The following COX7B2 variants were observed in gnomAD, a reference collection of about 807,000 sequenced individuals.
The protein encoded by COX7B2 is cytochrome c oxidase subunit 7B2, mitochondrial.
For synonymous variants in COX7B2, 37 were observed against 32.1 expected, an observed-to-expected ratio of 1.15 and a Z score of -0.51; for missense variants, 109 against 95.9, an observed-to-expected ratio of 1.14 and a Z score of -0.57.
chr4:46,809,073 C>T (rs1010032160), intron 2 of COX7B2, among the ~76,000 whole-genome samples: 2 of 151,706 alleles, frequency 1.3e-5, no homozygotes, highest in African/African-American at 4.8e-5. Flanking sequence ...GGAATTTTTT[C>T]ATTTCACCTA....
rs79931941 is a variant in COX7B2, at chr4:46,867,765, G to T, written c.-104-22751C>A. On this transcript the variant is annotated intron_variant, in intron 1 of 2. Coordinates refer to ENST00000355591, the MANE Select transcript of COX7B2 (RefSeq NM_130902.3). ...ATTTTAGCTTTTCGATAGGCTGCTG[G>T]ATTTGGTATGCTAATTTTTTTTGGT... 3.0e-3 allele frequency among the ~76,000 whole-genome samples: 452 copies of T among 152,270 alleles called. 3 individuals are homozygous for T. In the East Asian group the frequency reaches 0.03, roughly 10 times the overall value.
At chr4:46,885,075 CT>C (rs1260076030) in intron 1 of COX7B2, among the ~76,000 whole-genome samples, 2 of 151,850 alleles carry the variant, frequency 1.3e-5, no homozygotes, top group African/African-American at 4.8e-5. Flanking sequence ...CATAATTTTC[CT>C]TTATTTGCTA....
At chr4:46,740,771 A>C (rs904280642) in intron 2 of COX7B2, among the ~76,000 whole-genome samples, 6 of 152,276 alleles carry the variant, frequency 3.9e-5, no homozygotes, top group South Asian at 2.1e-4. Flanking sequence ...AATATAAATA[A>C]AATAAAAATC....
intron 2 of COX7B2, among the ~76,000 whole-genome samples, chr4:46,805,469 G>T (rs1239611462): frequency 6.6e-6 from 1 of 152,192 alleles, no homozygotes; most frequent in Non-Finnish European, 1.5e-5. Context: ...CCATTATCTT[G>T]TTTTATCTGT....
intron 1 of COX7B2, among the ~76,000 whole-genome samples, chr4:46,904,331 A>G (rs1261314491): frequency 6.6e-6 from 1 of 152,202 alleles, no homozygotes; most frequent in African/African-American, 2.4e-5. Context: ...TCATATAAAA[A>G]GAGCAGCTAG....
At chr4:46,816,646 A>T (rs1312443316) in intron 2 of COX7B2, among the ~76,000 whole-genome samples, 7 of 151,868 alleles carry the variant, frequency 4.6e-5, no homozygotes, top group African/African-American at 1.2e-4. Context: ...ATTTAATGTC[A>T]TTTTTTTTGC....
chr4:46,798,419 A>T (rs1718473646), intron 2 of COX7B2, among the ~76,000 whole-genome samples: 1 of 152,224 alleles, frequency 6.6e-6, no homozygotes, highest in African/African-American at 2.4e-5. Flanking sequence ...CAACAGGTTC[A>T]GGTGGCTGTG....
intron 1 of COX7B2, among the ~76,000 whole-genome samples, chr4:46,898,229 A>G (rs1719879672): frequency 6.6e-6 from 1 of 152,132 alleles, no homozygotes; most frequent in African/African-American, 2.4e-5. Context: ...TTTTCTCCAA[A>G]TCCTCAAGCT....
chr4:46,865,090 T>C (rs1717584630), intron 1 of COX7B2, among the ~76,000 whole-genome samples: 1 of 152,192 alleles, frequency 6.6e-6, no homozygotes, highest in Non-Finnish European at 1.5e-5. Context: ...TGTAGTTTTT[T>C]AATCTCTAGC....
chr4:46,785,097 T>C (rs1425385824), intron 2 of COX7B2, among the ~76,000 whole-genome samples: 1 of 152,224 alleles, frequency 6.6e-6, no homozygotes, highest in African/African-American at 2.4e-5. Context: ...TTTAAAAATA[T>C]ATTTAAATAG....
intron 2 of COX7B2, among the ~76,000 whole-genome samples, chr4:46,757,629 G>A (rs1201607019): frequency 6.6e-6 from 1 of 151,944 alleles, no homozygotes; most frequent in Non-Finnish European, 1.5e-5. Flanking sequence ...TCCCCATACA[G>A]CCTGTGCATT....
chr4:46,837,343 T>A (rs1364368533), intron 2 of COX7B2, among the ~76,000 whole-genome samples: 2 of 151,042 alleles, frequency 1.3e-5, no homozygotes, highest in Non-Finnish European at 3.0e-5. Flanking sequence ...CATAAGAAGG[T>A]ATGAAGTGAT....
At chr4:46,874,808 A>AGACT (rs1434123521) in intron 1 of COX7B2, among the ~76,000 whole-genome samples, 1 of 152,176 alleles carries the variant, frequency 6.6e-6, no homozygotes, top group Non-Finnish European at 1.5e-5. Flanking sequence ...TATTTTTGTA[A>AGACT]GACTGACACA....
intron 2 of COX7B2, among the ~76,000 whole-genome samples, chr4:46,763,043 T>C (rs903785671): frequency 3.8e-5 from 5 of 133,128 alleles, no homozygotes; most frequent in African/African-American, 5.6e-5. Context: ...ATATATATTA[T>C]ATATTATAAT....
At chr4:46,839,286 G>C (rs1183294984) in intron 2 of COX7B2, among the ~76,000 whole-genome samples, 3 of 151,940 alleles carry the variant, frequency 2.0e-5, no homozygotes, top group Non-Finnish European at 4.4e-5. Context: ...CAACCACAGA[G>C]CTTCAGTTTC....
intron 2 of COX7B2, among the ~76,000 whole-genome samples, chr4:46,805,282 T>G (rs2109642267): frequency 6.6e-6 from 1 of 152,190 alleles, no homozygotes; most frequent in African/African-American, 2.4e-5. Flanking sequence ...GGGGCCAGAG[T>G]GGGCATCAAG....
chr4:46,838,057 T>C (rs1442832225), intron 2 of COX7B2, among the ~76,000 whole-genome samples: 1 of 152,026 alleles, frequency 6.6e-6, no homozygotes, highest in African/African-American at 2.4e-5. Flanking sequence ...TTCATTACTG[T>C]GTTTCATAGA....
intron 1 of COX7B2, among the ~76,000 whole-genome samples, chr4:46,852,806 G>C (rs1454336921): frequency 6.6e-6 from 1 of 152,076 alleles, no homozygotes; most frequent in African/African-American, 2.4e-5. Context: ...TCATACTGTA[G>C]ATACATGTCC....
At chr4:46,864,706 G>A (rs976616606) in intron 1 of COX7B2, among the ~76,000 whole-genome samples, 5 of 151,930 alleles carry the variant, frequency 3.3e-5, no homozygotes, top group African/African-American at 4.8e-5. Flanking sequence ...GTGCAGTGGC[G>A]CGATCTAGGC....
Sources: gnomAD v4.1 joint callset for allele counts (sites outside exome capture counted in the v4.1 genomes callset) on GRCh38, gnomAD v4.1.1 for gene constraint, MANE v1.5 for transcripts, NCBI Gene and HGNC (gene_info 2026-07-23, HGNC 2026-07-21) for gene names.